ITGA9: variants seen among roughly 807,000 people sequenced by gnomAD.
ITGA9 encodes the protein integrin alpha-9.
In ITGA9, 56 loss-of-function variants were observed where a neutral mutation model predicts 127.8. That is an observed-to-expected ratio of 0.44 (90% confidence interval 0.35 to 0.55). ITGA9 has a LOEUF of 0.55. Among genes scored for constraint, ITGA9 ranks in the 20% least tolerant of loss-of-function variants. The pLI is 0.00. For missense variants in ITGA9, 1,196 were observed against 1,347.1 expected (o/e 0.89, Z 1.76); for synonymous variants, 508 against 514.5 (o/e 0.99, Z 0.17).
chr3:37,742,406 G>A (rs1451683418), intron 21 of ITGA9, among the ~76,000 whole-genome samples: 1 of 152,140 alleles, frequency 6.6e-6, no homozygotes, highest in Non-Finnish European at 1.5e-5. Context: ...TCAAGTCCAC[G>A]GTCATTCAGT....
intron 18 of ITGA9, among the ~76,000 whole-genome samples, chr3:37,696,735 T>C (rs1700888878): frequency 6.6e-6 from 1 of 152,256 alleles, no homozygotes; most frequent in African/African-American, 2.4e-5. Context: ...TCTGTTAATG[T>C]GGTAGCCACA....
intron 15 of ITGA9, among the ~76,000 whole-genome samples, chr3:37,612,373 T>G (rs142231740): frequency 1.3e-5 from 2 of 152,226 alleles, no homozygotes; most frequent in Non-Finnish European, 2.9e-5. Flanking sequence ...ATATACCAGC[T>G]TTTTCTTGAT....
At chr3:37,554,824 AG>A (rs1467643292) in intron 15 of ITGA9, among the ~76,000 whole-genome samples, 3 of 152,206 alleles carry the variant, frequency 2.0e-5, no homozygotes, top group African/African-American at 4.8e-5. Context: ...CGGAAGGTGC[AG>A]GTGAGCAGGT....
intron 17 of ITGA9, among the ~76,000 whole-genome samples, chr3:37,672,727 ATG>A (rs1266389727): frequency 1.3e-5 from 2 of 152,202 alleles, no homozygotes; most frequent in Admixed American, 6.5e-5. Context: ...GGGATTACCT[ATG>A]TTTATCTGGG....
rs1700820355 is a variant in ITGA9, at chr3:37,690,403, C to A, written c.2067+6388C>A. 2.0e-5 allele frequency among the ~76,000 whole-genome samples: 3 copies of A among 152,150 alleles called. No individual in the cohort carries two copies. The South Asian group carries it at 6.2e-4, about 32-fold the overall frequency. On this transcript the variant is annotated intron_variant, in intron 18 of 27. Coordinates refer to ENST00000264741, the MANE Select transcript of ITGA9 (RefSeq NM_002207.3). The stretch of plus-strand genomic sequence containing the variant: ...GTCAGGACTTTACCACTCATAGGTT[C>A]TAAGAAATCTCCCCTCCCCACCTCA...
chr3:37,524,608 T>C (rs1337921746), intron 12 of ITGA9, among the ~76,000 whole-genome samples: 1 of 152,214 alleles, frequency 6.6e-6, no homozygotes, highest in Non-Finnish European at 1.5e-5. Context: ...AATAATACCT[T>C]ATATGGGTTT....
intron 15 of ITGA9, among the ~76,000 whole-genome samples, chr3:37,585,276 G>A (rs1295060977): frequency 6.6e-6 from 1 of 152,156 alleles, no homozygotes; most frequent in Non-Finnish European, 1.5e-5. Context: ...TACAGTAGGT[G>A]CTCAATAAGT....
In ITGA9 at chr3:37,732,576, C is replaced by G. The variant is rs186307289; in HGVS notation, c.2068-136C>G. 8.3e-6 allele frequency: 6 copies of G among 722,818 alleles called. No homozygotes were observed. The East Asian group carries it at 1.6e-4, about 20-fold the overall frequency. The allele number at this position is 722,818 out of a possible 1,614,324, so 44.8% of individuals were successfully genotyped here. A position where few individuals can be genotyped will look rare whatever the true frequency, so the allele number is the denominator to read the frequency against. ...GCAGCTGGAAGGGGGCTGGAGACGG[C>G]CTGGTCAGGGCATCTCGTCCCACTG... On this transcript the variant is annotated intron_variant, in intron 18 of 27. Transcript: ENST00000264741.
chr3:37,665,176 T>C (rs1700574586), intron 17 of ITGA9, among the ~76,000 whole-genome samples: 5 of 151,668 alleles, frequency 3.3e-5, no homozygotes, highest in Admixed American at 3.3e-4. Flanking sequence ...GGTTTCACCA[T>C]GTTGTCCAGG....
chr3:37,730,131 T>C (rs1229419697), intron 18 of ITGA9, among the ~76,000 whole-genome samples: 1 of 152,240 alleles, frequency 6.6e-6, no homozygotes, highest in Non-Finnish European at 1.5e-5. Flanking sequence ...AAGCATGTAA[T>C]ATATGTATAT....
chr3:37,581,702 G>A (rs942324503), intron 15 of ITGA9, among the ~76,000 whole-genome samples: 2 of 152,232 alleles, frequency 1.3e-5, no homozygotes, highest in African/African-American at 4.8e-5. Flanking sequence ...TGTTAACACC[G>A]TAGATGACTT....
At chr3:37,786,619 A>AC (rs1575237383) in intron 26 of ITGA9, among the ~76,000 whole-genome samples, 1 of 151,742 alleles carries the variant, frequency 6.6e-6, no homozygotes, top group Non-Finnish European at 1.5e-5. Context: ...AACAAACAAA[A>AC]AAAAAAAAAC....
chr3:37,748,792 C>A (rs948497053), intron 22 of ITGA9: 19 of 725,398 alleles, frequency 2.6e-5, no homozygotes, highest in Non-Finnish European at 4.5e-5. Flanking sequence ...AGAAAGATAC[C>A]TGGGTCCAAC....
At position 37,709,967 on chromosome 3, in the gene ITGA9, C is replaced by T. The variant is rs547652504; in HGVS notation, c.2068-22745C>T. Among the ~76,000 whole-genome samples, 5 of 152,328 alleles carry T rather than the reference C, an allele frequency of 3.3e-5. No homozygotes were observed. The South Asian group carries it at 8.3e-4, about 25-fold the overall frequency. The stretch of plus-strand genomic sequence containing the variant: ...TCCAGCCTGGGTGACAAGCGCGAAA[C>T]TCTGTGAAACTTTCATTCTGACAGT... On this transcript the variant is annotated intron_variant, in intron 18 of 27. Coordinates refer to ENST00000264741, the MANE Select transcript of ITGA9 (RefSeq NM_002207.3).
intron 2 of ITGA9, among the ~76,000 whole-genome samples, 196 bp from the exon 3 acceptor site, chr3:37,473,158 A>G (rs144073416): frequency 7.6e-4 from 115 of 150,670 alleles, no homozygotes; most frequent in Non-Finnish European, 1.4e-3. Flanking sequence ...AAAAAAAAAA[A>G]AAAGAAAGAA....
At chr3:37,611,676 T>A (rs1455832896) in intron 15 of ITGA9, among the ~76,000 whole-genome samples, 2 of 152,128 alleles carry the variant, frequency 1.3e-5, no homozygotes, top group Non-Finnish European at 2.9e-5. Context: ...CTTGGAAATC[T>A]TGTGGGGTCA....
At chr3:37,640,951 C>T (rs1700327405) in intron 16 of ITGA9, among the ~76,000 whole-genome samples, 1 of 152,168 alleles carries the variant, frequency 6.6e-6, no homozygotes. Flanking sequence ...AAGCCGGCTT[C>T]CTGGTGTTGT....
At chr3:37,784,002 C>T (rs1697008785) in intron 25 of ITGA9, among the ~76,000 whole-genome samples, 1 of 152,144 alleles carries the variant, frequency 6.6e-6, no homozygotes, top group South Asian at 2.1e-4. Flanking sequence ...GAGGGTTTAA[C>T]CAAAGGTGGC....
At chr3:37,547,884 T>C (rs985321306) in intron 15 of ITGA9, among the ~76,000 whole-genome samples, 1 of 152,216 alleles carries the variant, frequency 6.6e-6, no homozygotes, top group Non-Finnish European at 1.5e-5. Context: ...AGCTATCCTA[T>C]TTTTCTCCCA....
Sources: gnomAD v4.1 joint callset for allele counts (sites outside exome capture counted in the v4.1 genomes callset) on GRCh38, gnomAD v4.1.1 for gene constraint, MANE v1.5 for transcripts, NCBI Gene and HGNC (gene_info 2026-07-23, HGNC 2026-07-21) for gene names.